Variants in SCHIP1 observed in about 807,000 individuals in gnomAD.
SCHIP1 encodes schwannomin interacting protein 1, also known as schwannomin-interacting protein 1.
SCHIP1 carries 8 observed loss-of-function variants against 29.7 expected under a neutral mutation model. The ratio of observed to expected loss-of-function variants is 0.27; its 90% CI spans 0.16 to 0.49. SCHIP1 has a LOEUF of 0.49. Among genes scored for constraint, SCHIP1 ranks in the 20% least tolerant of loss-of-function variants. The pLI, the probability that SCHIP1 is intolerant of heterozygous loss-of-function variation, is 0.99. For missense variants in SCHIP1, 193 were observed against 294.6 expected, an observed-to-expected ratio of 0.66 and a Z score of 2.52; for synonymous variants, 76 against 94.9, an observed-to-expected ratio of 0.80 and a Z score of 1.16.
chr3:159,343,817 T>A, the SCHIP1 span, among the ~76,000 whole-genome samples: 2 of 152,186 alleles, frequency 1.3e-5, no homozygotes, highest in African/African-American at 4.8e-5. Context: ...AATCTGCACG[T>A]CAGTGTGTAT....
the SCHIP1 span, among the ~76,000 whole-genome samples, chr3:159,398,631 A>G: frequency 6.6e-6 from 1 of 152,140 alleles, no homozygotes; most frequent in Non-Finnish European, 1.5e-5. Context: ...GAGGTCATAG[A>G]AATGCAGAAA....
chr3:159,425,042 C>T, the SCHIP1 span, among the ~76,000 whole-genome samples: 2 of 151,514 alleles, frequency 1.3e-5, no homozygotes, highest in African/African-American at 4.8e-5. Flanking sequence ...CTGAAGGAAG[C>T]ACTAAACATG....
At chr3:159,806,101 G>T in the SCHIP1 span, among the ~76,000 whole-genome samples, 23,859 of 152,106 alleles carry the variant, frequency 0.16, 1,973 homozygotes, top group African/African-American at 0.22. Context: ...GAGCCACCGC[G>T]CCTGGCCAAT....
chr3:159,876,805 T>G (rs1441391611), intron 2 of SCHIP1, among the ~76,000 whole-genome samples: 1 of 152,218 alleles, frequency 6.6e-6, no homozygotes, highest in Non-Finnish European at 1.5e-5. Flanking sequence ...AGCTCTCCAC[T>G]TAACCACTTT....
the SCHIP1 span, among the ~76,000 whole-genome samples, chr3:159,332,847 A>G: frequency 6.6e-6 from 1 of 152,238 alleles, no homozygotes; most frequent in East Asian, 1.9e-4. Context: ...TGAAATGATT[A>G]TCCATCAATT....
the SCHIP1 span, among the ~76,000 whole-genome samples, chr3:159,784,917 T>C: frequency 6.6e-6 from 1 of 152,174 alleles, no homozygotes; most frequent in Non-Finnish European, 1.5e-5. Context: ...GCCCCCAAAG[T>C]GCTAGGATTA....
chr3:159,621,774 T>TC, the SCHIP1 span, among the ~76,000 whole-genome samples: 1 of 152,104 alleles, frequency 6.6e-6, no homozygotes, highest in Non-Finnish European at 1.5e-5. Flanking sequence ...CAAGTGTTTC[T>TC]CCTGCCTCAG....
chr3:159,301,767 C>T, the SCHIP1 span, among the ~76,000 whole-genome samples: 1 of 152,154 alleles, frequency 6.6e-6, no homozygotes, highest in Admixed American at 6.5e-5. Flanking sequence ...TTTCTGGGGC[C>T]TCCCCAGTCA....
At chr3:159,678,156 G>A in the SCHIP1 span, among the ~76,000 whole-genome samples, 1 of 152,168 alleles carries the variant, frequency 6.6e-6, no homozygotes. Context: ...TGAATCCACA[G>A]TTTTTGTGCT....
chr3:159,600,013 C>T, the SCHIP1 span, among the ~76,000 whole-genome samples: 5 of 152,048 alleles, frequency 3.3e-5, no homozygotes, highest in Non-Finnish European at 7.4e-5. Context: ...AGCTGTTTTC[C>T]TTCAGTTCTT....
At chr3:159,884,722 G>A (rs965426471) in intron 2 of SCHIP1, among the ~76,000 whole-genome samples, 3 of 152,066 alleles carry the variant, frequency 2.0e-5, no homozygotes, top group African/African-American at 7.2e-5. Flanking sequence ...CCATTTTATC[G>A]ATGAGGAAAA....
At chr3:159,717,645 T>A in the SCHIP1 span, among the ~76,000 whole-genome samples, 25 of 152,150 alleles carry the variant, frequency 1.6e-4, no homozygotes, top group African/African-American at 5.3e-4. Context: ...ATGGGTAAAT[T>A]CCTGAACACA....
the SCHIP1 span, among the ~76,000 whole-genome samples, chr3:159,464,586 G>A: frequency 6.6e-6 from 1 of 152,132 alleles, no homozygotes; most frequent in Non-Finnish European, 1.5e-5. Context: ...TCATGGTAAA[G>A]AGTTCATTAT....
chr3:159,339,269 A>C, the SCHIP1 span, among the ~76,000 whole-genome samples: 3 of 152,026 alleles, frequency 2.0e-5, no homozygotes, highest in Admixed American at 6.6e-5. Flanking sequence ...AAAAAAAAAA[A>C]AAACCTTGGT....
the SCHIP1 span, among the ~76,000 whole-genome samples, chr3:159,811,981 T>A: frequency 9.6e-6 from 1 of 104,420 alleles, no homozygotes; most frequent in Non-Finnish European, 2.0e-5. Context: ...TTTGTTTTTG[T>A]TTTTTTTTTT....
At chr3:159,388,611 G>A in the SCHIP1 span, among the ~76,000 whole-genome samples, 2 of 152,048 alleles carry the variant, frequency 1.3e-5, no homozygotes, top group South Asian at 4.1e-4. Context: ...ACAGAATTAA[G>A]CAAAATGTGA....
At chr3:159,382,697 G>C in the SCHIP1 span, among the ~76,000 whole-genome samples, 1 of 151,394 alleles carries the variant, frequency 6.6e-6, no homozygotes, top group Non-Finnish European at 1.5e-5. Flanking sequence ...CTTCCACAAT[G>C]GTTGAACTAG....
At chr3:159,296,021 GCA>G in the SCHIP1 span, among the ~76,000 whole-genome samples, 2 of 152,162 alleles carry the variant, frequency 1.3e-5, no homozygotes, top group South Asian at 2.1e-4. Context: ...GCACTAGGAT[GCA>G]CAGTTAGGTT....
the SCHIP1 span, among the ~76,000 whole-genome samples, chr3:159,407,330 G>A: frequency 2.6e-5 from 4 of 152,158 alleles, no homozygotes; most frequent in African/African-American, 9.7e-5. Flanking sequence ...AATTCAGCAA[G>A]AGGATATATC....
Sources: allele counts gnomAD v4.1 joint callset (sites outside exome capture counted in the v4.1 genomes callset), GRCh38; gene constraint gnomAD v4.1.1; transcripts MANE v1.5; gene names NCBI Gene and HGNC (gene_info 2026-07-23, HGNC 2026-07-21).